Variants in PTPRM observed in about 807,000 individuals in gnomAD.
PTPRM encodes the protein receptor-type tyrosine-protein phosphatase mu.
A neutral mutation model predicts 186.7 loss-of-function variants in PTPRM; 47 were observed. The observed-to-expected ratio is 0.25, with a 90% CI of 0.20 to 0.32. PTPRM has a LOEUF of 0.32. Ranked by LOEUF, PTPRM falls within the 10% of genes least tolerant of loss-of-function variation. The pLI is 1.00. For synonymous variants in PTPRM, 668 were observed against 674.9 expected (o/e 0.99, Z 0.16); for missense variants, 1,494 against 1,865.0 (o/e 0.80, Z 3.66).
intron 14 of PTPRM, among the ~76,000 whole-genome samples, chr18:8,159,920 G>A (rs2093196873): frequency 6.7e-6 from 1 of 148,234 alleles, no homozygotes; most frequent in African/African-American, 2.5e-5. Flanking sequence ...TAATTTTTCT[G>A]TAGTGTAGAT....
intron 7 of PTPRM, among the ~76,000 whole-genome samples, chr18:8,045,778 A>G (rs533973537): frequency 2.1e-4 from 32 of 152,280 alleles, no homozygotes; most frequent in African/African-American, 7.5e-4. Flanking sequence ...TGTACTAAAA[A>G]CCATTGAATT....
chr18:7,825,686 C>A (rs762166364), intron 2 of PTPRM, among the ~76,000 whole-genome samples: 5 of 152,114 alleles, frequency 3.3e-5, no homozygotes, highest in African/African-American at 1.2e-4. Flanking sequence ...AGGCTCCCAT[C>A]CCCTAGAAGT....
chr18:8,247,135 A>G (rs1262699875), intron 15 of PTPRM, among the ~76,000 whole-genome samples: 8 of 152,186 alleles, frequency 5.3e-5, no homozygotes, highest in Non-Finnish European at 4.4e-5. Flanking sequence ...AAATTATTCT[A>G]TCAAGGCTCT....
At chr18:7,719,837 A>G (rs1009013983) in intron 1 of PTPRM, among the ~76,000 whole-genome samples, 3 of 152,254 alleles carry the variant, frequency 2.0e-5, no homozygotes, top group Non-Finnish European at 2.9e-5. Flanking sequence ...AGAAAATCCA[A>G]ACAATCAATG....
In PTPRM at chr18:7,615,614, C is replaced by G. The variant is rs1209846335; in HGVS notation, c.73+47723C>G. 2.0e-4 allele frequency among the ~76,000 whole-genome samples: 31 copies of G among 152,190 alleles called. 1 individual carries two copies. Among genetic ancestry groups the G allele is most frequent in the Non-Finnish European group, 1.0e-4 (7 of 68,000 alleles). ...GCCCTTCTGTCTTCTCTTGAGAAGT[C>G]CTCCCCTCCCTTCCTGTAAGGTGGC... On this transcript the variant is annotated intron_variant, in intron 1 of 32. Coordinates refer to ENST00000580170, the MANE Select transcript of PTPRM (RefSeq NM_001105244.2).
intron 1 of PTPRM, among the ~76,000 whole-genome samples, chr18:7,606,128 A>G (rs1273051681): frequency 1.3e-5 from 2 of 151,562 alleles, no homozygotes; most frequent in Admixed American, 1.3e-4. Flanking sequence ...GACTCAGACC[A>G]TCTTTGAAAG....
At chr18:8,232,756 T>C (rs981040613) in intron 14 of PTPRM, among the ~76,000 whole-genome samples, 3 of 152,082 alleles carry the variant, frequency 2.0e-5, no homozygotes, top group African/African-American at 4.8e-5. Flanking sequence ...CGACCCTATA[T>C]TGGACTGAAC....
At chr18:8,037,858 G>A (rs897023441) in intron 7 of PTPRM, among the ~76,000 whole-genome samples, 1 of 152,090 alleles carries the variant, frequency 6.6e-6, no homozygotes, top group African/African-American at 2.4e-5. Flanking sequence ...GCAGAGGTGC[G>A]AGCCATAGTG....
In PTPRM at chr18:8,336,223, C is replaced by G. The variant is rs185590593; in HGVS notation, c.2957-7200C>G. 9.2e-4 allele frequency among the ~76,000 whole-genome samples: 140 copies of G among 152,052 alleles called. 1 individual carries two copies. Among genetic ancestry groups the G allele is most frequent in the African/African-American group, 3.0e-3 (126 of 41,490 alleles). On this transcript the variant is annotated intron_variant, in intron 22 of 32. Transcript: ENST00000580170. ...TAGGTTTTTACACCTGGGCAGTGCCCCATGGTCATATTTGAGATAGGTGGT... is the reference window on the plus strand; with the variant it reads ...TAGGTTTTTACACCTGGGCAGTGCCGCATGGTCATATTTGAGATAGGTGGT...
chr18:8,286,638 A>G (rs565023555), intron 19 of PTPRM, among the ~76,000 whole-genome samples: 1 of 152,350 alleles, frequency 6.6e-6, no homozygotes, highest in East Asian at 1.9e-4. Flanking sequence ...GAGAGCCTCT[A>G]TGACTCTACA....
chr18:8,026,975 C>T (rs1164783037), intron 7 of PTPRM, among the ~76,000 whole-genome samples: 4 of 152,076 alleles, frequency 2.6e-5, no homozygotes, highest in Non-Finnish European at 5.9e-5. Flanking sequence ...TATTCATAAA[C>T]AAACCATTTC....
In PTPRM at chr18:8,037,557, A is replaced by G. The variant is rs573989227; in HGVS notation, c.1133-32129A>G. Among the ~76,000 whole-genome samples, 207 of 152,296 alleles carry G rather than the reference A, an allele frequency of 1.4e-3. 1 individual carries two copies. The highest frequency in any genetic ancestry group is 4.8e-3 in the African/African-American group (201 of 41,558). ...GAGGTACTAAATTGCTCATTTTGAG[A>G]AATGAGTCAAATGTATATATGAATA... On this transcript the variant is annotated intron_variant, in intron 7 of 32. Transcript: ENST00000580170.
At position 7,946,951 on chromosome 18, in the gene PTPRM, C is replaced by T. The variant is rs2052567378; in HGVS notation, c.664-2230C>T. ...AGCCCCTTCTTTGGGGAGCTGACTG[C>T]CTATGGGAACCCTCTCCCTCCATCC... On this transcript the variant is annotated intron_variant, in intron 5 of 32. Transcript: ENST00000580170. 8.8e-6 allele frequency: 4 copies of T among 456,236 alleles called. No individual in the cohort carries two copies. The Middle Eastern group carries it at 1.3e-3, about 148-fold the overall frequency. 28.3% of individuals were successfully genotyped at this position (456,236 alleles called of 1,614,324 possible).
chr18:7,751,256 T>G (rs558374328), intron 1 of PTPRM: 1 of 152,522 alleles, frequency 6.6e-6, no homozygotes, highest in African/African-American at 2.4e-5. Context: ...CATTTCTGCC[T>G]GTCTGCCGGA....
intron 19 of PTPRM, among the ~76,000 whole-genome samples, chr18:8,276,885 T>G (rs1016538545): frequency 2.0e-5 from 3 of 152,168 alleles, no homozygotes; most frequent in African/African-American, 7.2e-5. Flanking sequence ...CCTGACAACT[T>G]TCTCCTAATT....
intron 14 of PTPRM, among the ~76,000 whole-genome samples, chr18:8,191,179 A>G (rs1006134263): frequency 1.3e-5 from 2 of 152,236 alleles, no homozygotes; most frequent in African/African-American, 4.8e-5. Context: ...GGGCTTGCCC[A>G]GCCAGCCAAG....
At chr18:8,143,087 C>T (rs929531513) in intron 13 of PTPRM, among the ~76,000 whole-genome samples, 1 of 152,108 alleles carries the variant, frequency 6.6e-6, no homozygotes, top group Admixed American at 6.5e-5. Context: ...TTTTGCCTAC[C>T]AGATGTGACC....
intron 14 of PTPRM, among the ~76,000 whole-genome samples, chr18:8,155,851 A>G (rs1412118306): frequency 2.0e-5 from 3 of 152,198 alleles, no homozygotes; most frequent in Non-Finnish European, 4.4e-5. Context: ...TTAGGTCTGG[A>G]TGCATTATTC....
intron 1 of PTPRM, among the ~76,000 whole-genome samples, chr18:7,743,687 C>T (rs571084599): frequency 1.9e-3 from 285 of 152,094 alleles, no homozygotes; most frequent in African/African-American, 6.5e-3. Context: ...CTTGAATATT[C>T]GGGACATAAA....
Sources: allele counts gnomAD v4.1 joint callset (sites outside exome capture counted in the v4.1 genomes callset), GRCh38; gene constraint gnomAD v4.1.1; transcripts MANE v1.5; gene names NCBI Gene and HGNC (gene_info 2026-07-23, HGNC 2026-07-21).